TRPM8: variants seen among roughly 807,000 people sequenced by gnomAD.
TRPM8 encodes the protein transient receptor potential cation channel subfamily M member 8.
In TRPM8, 110 loss-of-function variants were observed where a neutral mutation model predicts 133.7. The observed-to-expected ratio is 0.82, with a 90% CI of 0.70 to 0.96. The LOEUF is 0.96. TRPM8 is among the 40% of genes least tolerant of loss of function. The pLI is 0.00. For synonymous variants in TRPM8, 535 were observed against 532.3 expected, an observed-to-expected ratio of 1.01 and a Z score of -0.07; for missense variants, 1,291 against 1,379.5, an observed-to-expected ratio of 0.94 and a Z score of 1.02.
rs753654940 is a variant in TRPM8, at chr2:234,006,805, AG to A, written c.3131-44del. 49 of 1,404,708 alleles carry A rather than the reference AG, an allele frequency of 3.5e-5. 1 individual carries two copies. In the South Asian group the frequency reaches 5.8e-4, roughly 17 times the overall value. 87.0% of individuals were successfully genotyped at this position (1,404,708 alleles called of 1,614,324 possible). The stretch of plus-strand genomic sequence containing the variant: ...TTAGAAGATCTTAATTTAGGAAGCA[AG>A]GGGCAAATGAAACAATTTGAATGTT... On this transcript the variant is annotated intron_variant, in intron 22 of 25. Coordinates refer to ENST00000324695, the MANE Select transcript of TRPM8 (RefSeq NM_024080.5).
intron 18 of TRPM8, among the ~76,000 whole-genome samples, chr2:233,980,613 C>G (rs1212088809): frequency 6.6e-6 from 1 of 152,178 alleles, no homozygotes; most frequent in East Asian, 1.9e-4. Flanking sequence ...AGGGATCCAC[C>G]TGCCTCAGCC....
At chr2:233,988,863 A>G (rs1002456811) in intron 21 of TRPM8, among the ~76,000 whole-genome samples, 3 of 152,214 alleles carry the variant, frequency 2.0e-5, no homozygotes, top group African/African-American at 7.2e-5. Context: ...GTTATGGGTG[A>G]TTATGTCTCC....
rs188687479 is a variant in TRPM8, at chr2:233,967,733, C to T, written c.2025+978C>T. Among the ~76,000 whole-genome samples the T allele has an allele frequency of 4.1e-3, 622 of 152,290 alleles. 9 individuals carry two copies. Among genetic ancestry groups the T allele is most frequent in the Non-Finnish European group, 4.6e-3 (315 of 68,020 alleles). On this transcript the variant is annotated intron_variant, in intron 15 of 25. Transcript: ENST00000324695. ...CAAGGAGCATGCGGAGAGCGTCTTG[C>T]TATTGCTCAGTTTTAGCCTCTGCTG... is the stretch of plus-strand genomic sequence containing the variant.
intron 9 of TRPM8, among the ~76,000 whole-genome samples, chr2:233,952,220 G>A (rs995312464): frequency 6.6e-6 from 1 of 152,190 alleles, no homozygotes; most frequent in African/African-American, 2.4e-5. Flanking sequence ...TTGCGTACAC[G>A]ACAGAAACAG....
At chr2:233,921,639 C>G (rs1429941861) in intron 1 of TRPM8, among the ~76,000 whole-genome samples, 1 of 143,562 alleles carries the variant, frequency 7.0e-6, no homozygotes, top group African/African-American at 2.6e-5. Context: ...TTTTTCTTTT[C>G]TTTTTTTTCT....
chr2:233,983,040 C>T lies in TRPM8; in HGVS notation c.2590-13C>T, dbSNP rs1328532419. Reference sequence around the variant, plus strand: ...CACGGTCCTGACTCCGCTCTCCTGTCCTCCCCTGACAGCTGATCGATGTGT... The same window carrying T: ...CACGGTCCTGACTCCGCTCTCCTGTTCTCCCCTGACAGCTGATCGATGTGT... On this transcript the variant is annotated splice_polypyrimidine_tract_variant and intron_variant, in intron 19 of 25. Coordinates refer to ENST00000324695, the MANE Select transcript of TRPM8 (RefSeq NM_024080.5). 1 of 1,608,038 alleles carries T rather than the reference C, an allele frequency of 6.2e-7. No homozygotes were observed. The highest frequency in any genetic ancestry group is 8.5e-7 in the Non-Finnish European group (1 of 1,175,276).
At chr2:234,012,474 AGAGTGTGTGTGTGT>A (rs1331005776) in intron 24 of TRPM8, among the ~76,000 whole-genome samples, 1 of 105,870 alleles carries the variant, frequency 9.4e-6, no homozygotes, top group Non-Finnish European at 2.1e-5. Flanking sequence ...TGTGTGTGTG[AGAGTGTGTGTGTGT>A]GTGTGTGTGA....
At chr2:233,941,157 G>A (rs1001219951) in intron 5 of TRPM8, among the ~76,000 whole-genome samples, 1 of 152,188 alleles carries the variant, frequency 6.6e-6, no homozygotes, top group Non-Finnish European at 1.5e-5. Context: ...TCATAGTGAC[G>A]TATATGTCAG....
intron 2 of TRPM8, among the ~76,000 whole-genome samples, chr2:233,929,019 T>C (rs1484980093): frequency 6.8e-6 from 1 of 147,960 alleles, no homozygotes; most frequent in Non-Finnish European, 1.5e-5. Flanking sequence ...ATTTTTTTGC[T>C]CAAAACTGTT....
intron 1 of TRPM8, among the ~76,000 whole-genome samples, chr2:233,925,992 C>T (rs1287335137): frequency 2.6e-5 from 4 of 152,052 alleles, no homozygotes; most frequent in Non-Finnish European, 4.4e-5. Context: ...AAGTCTTGGG[C>T]GTTAGAGTCT....
intron 17 of TRPM8, among the ~76,000 whole-genome samples, chr2:233,973,529 A>AG (rs1450227507): frequency 2.0e-5 from 3 of 152,200 alleles, no homozygotes; most frequent in Non-Finnish European, 4.4e-5. Flanking sequence ...GTACTGGATC[A>AG]GGGGTCACCC....
intron 8 of TRPM8, among the ~76,000 whole-genome samples, chr2:233,949,742 A>G (rs992879279): frequency 4.6e-5 from 7 of 152,364 alleles, no homozygotes; most frequent in African/African-American, 1.7e-4. Context: ...TGTTGTGGGG[A>G]CAAGATTTCA....
At chr2:234,016,232 GA>G (rs143784336) in intron 25 of TRPM8, among the ~76,000 whole-genome samples, 2,495 of 150,902 alleles carry the variant, frequency 0.017, 71 homozygotes, top group African/African-American at 0.056. Flanking sequence ...CATCTACACA[GA>G]AAAAAAAAGA....
intron 8 of TRPM8, chr2:233,947,506 A>T (rs1461744812): frequency 2.6e-5 from 34 of 1,312,910 alleles, no homozygotes; most frequent in South Asian, 4.9e-5. Context: ...AGCTGTGATC[A>T]TACACACACA....
chr2:233,985,083 G>A (rs80013218), intron 20 of TRPM8, among the ~76,000 whole-genome samples: 141 of 146,440 alleles, frequency 9.6e-4, no homozygotes, highest in African/African-American at 3.3e-3. Context: ...GATTCTGTCT[G>A]AAAAAAAAAA....
Position 233,969,782 on chromosome 2 carries a change from G to A in TRPM8, c.2113G>A (p.Val705Met). The change falls in exon 16 of 26, where the codon GTG (valine) becomes ATG (methionine). Residue 705 changes from valine to methionine, a missense_variant. Transcript: ENST00000324695. ...IILCLFIIPL[V>M]GCGFVSFRKK... ...CCTGTGTCTGTTTATTATACCCTTG[G>A]TGGGCTGTGGCTTTGTATCATTTAG... is the stretch of plus-strand genomic sequence containing the variant. 6.2e-7 allele frequency: 1 copy of A among 1,613,298 alleles called. No homozygotes were observed. The highest frequency in any genetic ancestry group is 8.5e-7 in the Non-Finnish European group (1 of 1,179,270).
At chr2:234,014,686 C>A in intron 25 of TRPM8, 32 bp downstream of exon 25, 1 of 809,472 alleles carries the variant, frequency 1.2e-6, no homozygotes, top group South Asian at 1.9e-5. Flanking sequence ...TTACTTTGCT[C>A]TGAAGATTTG....
intron 6 of TRPM8, among the ~76,000 whole-genome samples, chr2:233,945,245 G>A (rs1370980821): frequency 6.6e-6 from 1 of 152,102 alleles, no homozygotes; most frequent in African/African-American, 2.4e-5. Flanking sequence ...AACCTTTTTG[G>A]TAAGGATTCC....
intron 17 of TRPM8, among the ~76,000 whole-genome samples, chr2:233,976,788 A>C (rs1691883505): frequency 6.6e-6 from 1 of 152,132 alleles, no homozygotes; most frequent in Non-Finnish European, 1.5e-5. Context: ...CTGGCCTTAC[A>C]ACTCTGATTC....
Sources: gnomAD v4.1 joint callset for allele counts (sites outside exome capture counted in the v4.1 genomes callset) on GRCh38, gnomAD v4.1.1 for gene constraint, MANE v1.5 for transcripts, NCBI Gene and HGNC (gene_info 2026-07-23, HGNC 2026-07-21) for gene names.